The following CPEB1 variants were observed in gnomAD, a reference collection of about 807,000 sequenced individuals.
The protein encoded by CPEB1 is cytoplasmic polyadenylation element-binding protein 1.
A neutral mutation model predicts 65.8 loss-of-function variants in CPEB1; 7 were observed. The ratio of observed to expected loss-of-function variants is 0.11; its 90% CI spans 0.06 to 0.20. The LOEUF (loss-of-function observed/expected upper bound fraction) is 0.20. Ranked by LOEUF, CPEB1 falls within the 10% of genes least tolerant of loss-of-function variation. The pLI is 1.00. For synonymous variants in CPEB1, 262 were observed against 260.0 expected (o/e 1.01, Z -0.08); for missense variants, 551 against 712.2 (o/e 0.77, Z 2.58).
intron 1 of CPEB1, among the ~76,000 whole-genome samples, chr15:82,644,658 ATCAGCTAGTGGC>A (rs2151396762): frequency 6.6e-6 from 1 of 152,344 alleles, no homozygotes; most frequent in South Asian, 2.1e-4. Context: ...CTGAGCAACA[ATCAGCTAGTGGC>A]TGCTCCTTTC....
intron 1 of CPEB1, among the ~76,000 whole-genome samples, chr15:82,641,242 A>AT (rs879802842): frequency 6.6e-6 from 1 of 152,170 alleles, no homozygotes; most frequent in South Asian, 2.1e-4. Context: ...TTAAAAAAAA[A>AT]CAAAAACAAA....
rs772071911 is a variant in CPEB1 at position 82,552,001 on chromosome 15, A to G, written c.1281+479T>C. ...CCCACAAAACTAAATAAAGCCCTGA[A>G]TAAGAATGAAGAAGTGACCCACAGG... is the stretch of plus-strand genomic sequence containing the variant. On this transcript the variant is annotated intron_variant, in intron 9 of 12. Coordinates refer to ENST00000684509, the MANE Select transcript of CPEB1 (RefSeq NM_001365242.1). Among the ~76,000 whole-genome samples the G allele has an allele frequency of 2.0e-5, 3 of 152,246 alleles. No homozygotes were observed. In the East Asian group the frequency reaches 5.8e-4, roughly 29 times the overall value.
At chr15:82,609,164 G>A (rs547059964) in intron 3 of CPEB1, among the ~76,000 whole-genome samples, 10 of 152,120 alleles carry the variant, frequency 6.6e-5, no homozygotes, top group Middle Eastern at 3.4e-3. Flanking sequence ...TAAAACTTAC[G>A]GCATGCAATG....
intron 4 of CPEB1, among the ~76,000 whole-genome samples, chr15:82,567,495 G>C (rs1019973415): frequency 1.3e-5 from 2 of 151,958 alleles, no homozygotes; most frequent in Non-Finnish European, 2.9e-5. Flanking sequence ...AAATTAGCTC[G>C]GTGTGGTGGT....
Position 82,547,143 on chromosome 15 carries a change from C to G in CPEB1, c.1575G>C (p.Lys525Asn). ...VEIKTTKFTK[K>N]VQIDPYLEDS... is the part of the protein sequence containing the mutation. ...TAAGGGCATAAACCAGCCAACTCACCTTCTTTGTGAACTTGGTGGTTTTGA... is the reference window on the plus strand; with the variant it reads ...TAAGGGCATAAACCAGCCAACTCACGTTCTTTGTGAACTTGGTGGTTTTGA... The change falls in exon 11 of 13, where the codon AAG becomes AAC. Residue 525 changes from lysine (K) to asparagine (N), a missense_variant and splice_region_variant. Coordinates refer to ENST00000684509, the MANE Select transcript of CPEB1 (RefSeq NM_001365242.1). 6.2e-7 allele frequency: 1 copy of G among 1,609,636 alleles called. No homozygotes were observed. Among genetic ancestry groups the G allele is most frequent in the Non-Finnish European group, 8.5e-7 (1 of 1,176,146 alleles).
intron 1 of CPEB1, among the ~76,000 whole-genome samples, chr15:82,646,722 G>GAAT (rs1555462891): frequency 1.3e-5 from 2 of 152,216 alleles, no homozygotes; most frequent in African/African-American, 4.8e-5. Context: ...GGTCCTCTAG[G>GAAT]AATGAGGCAG....
At chr15:82,544,812 G>A (rs2034869182) in intron 12 of CPEB1, 110 bp from the exon 13 acceptor site, 2 of 766,590 alleles carry the variant, frequency 2.6e-6, no homozygotes, top group African/African-American at 3.4e-5. Flanking sequence ...GACTCCCGAT[G>A]GCCTCTGTGG....
At chr15:82,611,504 C>T (rs146545239) in intron 3 of CPEB1, among the ~76,000 whole-genome samples, 3 of 152,164 alleles carry the variant, frequency 2.0e-5, no homozygotes, top group African/African-American at 7.2e-5. Context: ...TGCTTATAAT[C>T]TCAACGCTTT....
At chr15:82,573,170 CCT>C (rs1567192987) in intron 3 of CPEB1, 1 of 1,533,960 alleles carries the variant, frequency 6.5e-7, no homozygotes, top group Non-Finnish European at 8.7e-7. Flanking sequence ...TGCAGTACAC[CCT>C]GTGTCCACAG....
intron 10 of CPEB1, among the ~76,000 whole-genome samples, chr15:82,549,133 A>T (rs1314857295): frequency 1.3e-5 from 2 of 152,258 alleles, no homozygotes; most frequent in African/African-American, 2.4e-5. Flanking sequence ...CAGCCTTTTC[A>T]TGAAATAGTA....
At chr15:82,606,270 C>G (rs1437672662) in intron 3 of CPEB1, among the ~76,000 whole-genome samples, 1 of 149,314 alleles carries the variant, frequency 6.7e-6, no homozygotes, top group Non-Finnish European at 1.5e-5. Context: ...GGGTTTGAGA[C>G]CAGCCTGGCC....
At chr15:82,607,719 A>T (rs2043755689) in intron 3 of CPEB1, among the ~76,000 whole-genome samples, 1 of 152,228 alleles carries the variant, frequency 6.6e-6, no homozygotes, top group Admixed American at 6.5e-5. Context: ...ATTAAGACAA[A>T]AATTGTTACT....
At chr15:82,575,505 G>A (rs948605683) in intron 3 of CPEB1, among the ~76,000 whole-genome samples, 5 of 152,074 alleles carry the variant, frequency 3.3e-5, no homozygotes, top group African/African-American at 1.2e-4. Context: ...TGCTCATCAA[G>A]ATACCACTAA....
chr15:82,617,682 A>G (rs2044852889), intron 3 of CPEB1, among the ~76,000 whole-genome samples: 1 of 149,936 alleles, frequency 6.7e-6, no homozygotes. Context: ...TCTCTATGCT[A>G]GCTTTGTAAC....
intron 3 of CPEB1, among the ~76,000 whole-genome samples, chr15:82,597,190 G>A (rs1034223080): frequency 3.9e-5 from 6 of 152,224 alleles, no homozygotes; most frequent in Admixed American, 3.9e-4. Flanking sequence ...AGAGGGTGTA[G>A]TGGCACATGC....
intron 3 of CPEB1, among the ~76,000 whole-genome samples, chr15:82,573,799 A>G (rs992462337): frequency 7.2e-5 from 11 of 152,158 alleles, no homozygotes; most frequent in African/African-American, 2.7e-4. Context: ...CAAGATCCCC[A>G]GTTAATATAT....
At chr15:82,572,931 C>T (rs2040233294) in intron 3 of CPEB1, 2 of 1,152,550 alleles carry the variant, frequency 1.7e-6, no homozygotes, top group Non-Finnish European at 2.3e-6. Flanking sequence ...CCTTTTCCAA[C>T]ATGAGCCCAG....
chr15:82,575,998 A>G (rs1001354057), intron 3 of CPEB1, among the ~76,000 whole-genome samples: 2 of 152,220 alleles, frequency 1.3e-5, no homozygotes, highest in African/African-American at 4.8e-5. Flanking sequence ...AAGAGGAGTA[A>G]AAGTGTATGT....
intron 3 of CPEB1, among the ~76,000 whole-genome samples, chr15:82,574,205 A>G (rs117269027): frequency 0.013 from 2,027 of 152,244 alleles, 22 homozygotes; most frequent in Non-Finnish European, 0.02. Flanking sequence ...TTCTAGATAA[A>G]GATTTTCACT....
Sources: gnomAD v4.1 joint callset for allele counts (sites outside exome capture counted in the v4.1 genomes callset) on GRCh38, gnomAD v4.1.1 for gene constraint, MANE v1.5 for transcripts, NCBI Gene and HGNC (gene_info 2026-07-23, HGNC 2026-07-21) for gene names.